The following HS1BP3 variants were observed in gnomAD, a reference collection of about 807,000 sequenced individuals.
The protein encoded by HS1BP3 is HCLS1 binding protein 3.
In HS1BP3, 32 loss-of-function variants were observed where a neutral mutation model predicts 33.5. That is an observed-to-expected ratio of 0.95 (90% confidence interval 0.72 to 1.28). The LOEUF (loss-of-function observed/expected upper bound fraction) is 1.28. Ranked by LOEUF, HS1BP3 falls within the 50% of genes most tolerant of loss-of-function variation. The probability of loss-of-function intolerance (pLI) is 0.00; values close to 1 mark genes in which losing one functional copy is unlikely to be tolerated. For synonymous variants in HS1BP3, 187 were observed against 209.2 expected (o/e 0.89, Z 0.92); for missense variants, 486 against 502.3 (o/e 0.97, Z 0.31).
intron 2 of HS1BP3, among the ~76,000 whole-genome samples, chr2:20,642,818 C>T (rs1695398585): frequency 6.6e-6 from 1 of 152,230 alleles, no homozygotes; most frequent in Non-Finnish European, 1.5e-5. Flanking sequence ...AGGTTGAGAA[C>T]TCACATTTAT....
At chr2:20,565,671 C>G (rs926550981) in intron 5 of HS1BP3, among the ~76,000 whole-genome samples, 1 of 152,242 alleles carries the variant, frequency 6.6e-6, no homozygotes, top group Non-Finnish European at 1.5e-5. Context: ...AACAGCTGCA[C>G]TCATCCCACT....
intron 2 of HS1BP3, among the ~76,000 whole-genome samples, chr2:20,608,201 C>T (rs918813282): frequency 6.6e-6 from 1 of 151,886 alleles, no homozygotes; most frequent in Middle Eastern, 3.2e-3. Flanking sequence ...GGTTCTCCTG[C>T]TTATTTTACT....
intron 5 of HS1BP3, among the ~76,000 whole-genome samples, chr2:20,566,512 C>T (rs1169649702): frequency 6.6e-6 from 1 of 152,184 alleles, no homozygotes; most frequent in East Asian, 1.9e-4. Flanking sequence ...CTCACTCTGG[C>T]CACCTGCACT....
At chr2:20,597,156 C>T (rs746728053) in intron 3 of HS1BP3, among the ~76,000 whole-genome samples, 1 of 152,202 alleles carries the variant, frequency 6.6e-6, no homozygotes, top group Non-Finnish European at 1.5e-5. Flanking sequence ...CAGCATGAGG[C>T]CCTTGGCCAC....
In HS1BP3 at chr2:20,638,177, C is replaced by T. The variant is rs113921610; in HGVS notation, c.623+259G>A. ...CGGAGGACTCTACCAAGCCCCAGTG[C>T]GGAGCCACAAGTGGAGGACATCCTG... On this transcript the variant is annotated intron_variant, in intron 4 of 6. Transcript: ENST00000304031. 2,814 of 588,694 alleles carry T rather than the reference C, an allele frequency of 4.8e-3. 65 individuals carry two copies. Among genetic ancestry groups the T allele is most frequent in the African/African-American group, 0.045 (2,447 of 53,782 alleles). The allele number at this position is 588,694 out of a possible 1,614,324, so 36.5% of individuals were successfully genotyped here.
chr2:20,553,957 A>G, the HS1BP3 span, among the ~76,000 whole-genome samples: 1 of 152,212 alleles, frequency 6.6e-6, no homozygotes, highest in African/African-American at 2.4e-5. Context: ...TGGGCCAGGG[A>G]TGAAGGACGG....
intron 3 of HS1BP3, chr2:20,640,580 C>T (rs960881981): frequency 2.7e-5 from 12 of 452,226 alleles, no homozygotes; most frequent in South Asian, 1.5e-4. Context: ...ACAGCTTTCC[C>T]GGGATACTGC....
chr2:20,585,772 G>A (rs907002344), intron 5 of HS1BP3, among the ~76,000 whole-genome samples: 2 of 152,210 alleles, frequency 1.3e-5, no homozygotes, highest in Non-Finnish European at 2.9e-5. Flanking sequence ...AAGTGACAGC[G>A]TGCACAATAC....
chr2:20,638,789 T>C, intron 3 of HS1BP3, 137 bp from the exon 4 acceptor site: 1 of 664,222 alleles, frequency 1.5e-6, no homozygotes, highest in Non-Finnish European at 2.6e-6. Flanking sequence ...AACTCGTCCC[T>C]CCTGGGACCT....
At chr2:20,600,184 A>C (rs1330774634) in intron 2 of HS1BP3, among the ~76,000 whole-genome samples, 1 of 152,142 alleles carries the variant, frequency 6.6e-6, no homozygotes, top group Admixed American at 6.5e-5. Flanking sequence ...AACAACTGTG[A>C]TCTACGGGTG....
chr2:20,573,064 T>C (rs1205126444), intron 5 of HS1BP3, among the ~76,000 whole-genome samples: 4 of 152,192 alleles, frequency 2.6e-5, no homozygotes, highest in Non-Finnish European at 4.4e-5. Flanking sequence ...TAAATGTCAC[T>C]GTAGTGGGTT....
chr2:20,612,373 C>A (rs1694334954), intron 2 of HS1BP3, among the ~76,000 whole-genome samples: 1 of 152,188 alleles, frequency 6.6e-6, no homozygotes, highest in South Asian at 2.1e-4. Context: ...TACAATTGAA[C>A]AATTTTAGTA....
chr2:20,620,321 G>A (rs1694556652), intron 6 of HS1BP3, among the ~76,000 whole-genome samples: 1 of 152,280 alleles, frequency 6.6e-6, no homozygotes, highest in African/African-American at 2.4e-5. Context: ...GTGTGAGGAT[G>A]AACAGGACTT....
downstream of HS1BP3, among the ~76,000 whole-genome samples, chr2:20,555,930 C>T (rs982901070): frequency 2.0e-5 from 3 of 152,220 alleles, no homozygotes; most frequent in African/African-American, 7.2e-5. Context: ...CCAGACCCTT[C>T]CCCTTCCCTC....
At chr2:20,612,496 G>A (rs1423400946) in intron 2 of HS1BP3, among the ~76,000 whole-genome samples, 1 of 152,154 alleles carries the variant, frequency 6.6e-6, no homozygotes, top group African/African-American at 2.4e-5. Context: ...ACCTCTGCTT[G>A]AAGCAACCAT....
chr2:20,607,161 C>CT (rs35269255), intron 2 of HS1BP3, among the ~76,000 whole-genome samples: 78,310 of 146,656 alleles, frequency 0.53, 23,495 homozygotes, highest in East Asian at 0.73. Flanking sequence ...CAACTTCATT[C>CT]TTTTTTTTTT....
At chr2:20,605,360 G>A (rs368880804) in intron 2 of HS1BP3, among the ~76,000 whole-genome samples, 2 of 152,034 alleles carry the variant, frequency 1.3e-5, no homozygotes, top group African/African-American at 2.4e-5. Context: ...CCAAGGCCTC[G>A]GCCTGGCAGG....
intron 5 of HS1BP3, among the ~76,000 whole-genome samples, chr2:20,573,880 C>G (rs927539291): frequency 3.9e-5 from 6 of 152,182 alleles, no homozygotes; most frequent in African/African-American, 1.4e-4. Context: ...ACAAGGAGGG[C>G]CAAGCGCTTT....
At chr2:20,590,421 CCTT>C (rs1049001672), downstream of HS1BP3, among the ~76,000 whole-genome samples, 1 of 152,208 alleles carries the variant, frequency 6.6e-6, no homozygotes, top group Non-Finnish European at 1.5e-5. Context: ...TCAGGGCTGT[CCTT>C]CTCTGTAGAA....
Sources: gnomAD v4.1 joint callset for allele counts (sites outside exome capture counted in the v4.1 genomes callset) on GRCh38, gnomAD v4.1.1 for gene constraint, MANE v1.5 for transcripts, NCBI Gene and HGNC (gene_info 2026-07-23, HGNC 2026-07-21) for gene names.